The following TENM2 variants were observed in gnomAD, a reference collection of about 807,000 sequenced individuals.
TENM2 encodes teneurin transmembrane protein 2, also known as teneurin-2.
TENM2 carries 52 observed loss-of-function variants against 245.2 expected under a neutral mutation model. That is an observed-to-expected ratio of 0.21 (90% CI 0.17 to 0.27). The LOEUF is 0.27. Ranked by LOEUF, TENM2 falls within the 10% of genes least tolerant of loss-of-function variation. The pLI, the probability that TENM2 is intolerant of heterozygous loss-of-function variation, is 1.00. For missense variants in TENM2, 3,046 were observed against 3,666.8 expected (o/e 0.83, Z 4.37); for synonymous variants, 1,363 against 1,438.9 (o/e 0.95, Z 1.19).
intron 2 of TENM2, among the ~76,000 whole-genome samples, chr5:167,783,848 C>T (rs1423806144): frequency 6.6e-6 from 1 of 151,968 alleles, no homozygotes; most frequent in Non-Finnish European, 1.5e-5. Flanking sequence ...GGGGAGCACC[C>T]CAAGGTGGCA....
chr5:167,564,286 G>T (rs529565496), intron 2 of TENM2, among the ~76,000 whole-genome samples: 2 of 152,190 alleles, frequency 1.3e-5, no homozygotes, highest in African/African-American at 4.8e-5. Context: ...AGTAATCCAT[G>T]TTCATGAAGA....
chr5:167,125,105 A>G, the TENM2 span, among the ~76,000 whole-genome samples: 4 of 152,228 alleles, frequency 2.6e-5, no homozygotes, highest in Non-Finnish European at 5.9e-5. Context: ...AGAGTCCAGC[A>G]AACTGTGTTT....
rs373973436 is a variant in TENM2 at position 168,118,245 on chromosome 5, G to A, written c.1814-47G>A. On this transcript the variant is annotated intron_variant, in intron 9 of 28. Coordinates refer to ENST00000518659, the Ensembl canonical transcript of TENM2. The stretch of plus-strand genomic sequence containing the variant: ...CCTCCTTAGACTGCCATAGCCCCTC[G>A]GATGCTGGCCCTTCGTGACCTAGTG... 16 of 1,431,414 alleles carry A rather than the reference G, an allele frequency of 1.1e-5. No individual in the cohort carries two copies. Among genetic ancestry groups the A allele is most frequent in the East Asian group, 7.1e-5 (3 of 42,254 alleles). 88.7% of individuals were successfully genotyped at this position (1,431,414 alleles called of 1,614,324 possible). A position where few individuals can be genotyped will look rare whatever the true frequency, so the allele number is the denominator to read the frequency against.
chr5:167,113,921 G>A, the TENM2 span, among the ~76,000 whole-genome samples: 61 of 152,256 alleles, frequency 4.0e-4, no homozygotes, highest in African/African-American at 1.4e-3. Context: ...TCACAAGCTT[G>A]ATGAGGCATA....
chr5:167,336,874 T>G (rs2127802515), intron 1 of TENM2, among the ~76,000 whole-genome samples: 1 of 150,880 alleles, frequency 6.6e-6, no homozygotes, highest in Non-Finnish European at 1.5e-5. Flanking sequence ...TCCCAGCACT[T>G]TGGGAGGCCG....
chr5:168,062,603 A>G (rs964910150), intron 7 of TENM2, among the ~76,000 whole-genome samples: 1 of 152,218 alleles, frequency 6.6e-6, no homozygotes, highest in Non-Finnish European at 1.5e-5. Flanking sequence ...AGCCTTATTT[A>G]TGATAGCCAA....
chr5:167,980,231 A>G (rs1463877040), intron 4 of TENM2, among the ~76,000 whole-genome samples: 1 of 152,172 alleles, frequency 6.6e-6, no homozygotes, highest in Non-Finnish European at 1.5e-5. Context: ...TATCTCAATG[A>G]AGGGTGAGGG....
At chr5:167,329,783 A>T (rs868803470) in intron 1 of TENM2, among the ~76,000 whole-genome samples, 2 of 152,236 alleles carry the variant, frequency 1.3e-5, no homozygotes, top group Admixed American at 6.5e-5. Flanking sequence ...GATATGGGGG[A>T]TAGAAATTAT....
At chr5:167,693,583 A>G (rs1225294141) in intron 2 of TENM2, among the ~76,000 whole-genome samples, 2 of 147,636 alleles carry the variant, frequency 1.4e-5, no homozygotes, top group South Asian at 2.3e-4. Flanking sequence ...AATGCCAAAC[A>G]TCGGTGCTCC....
rs10659741 is a variant in TENM2, at chr5:167,363,730, C to CAAAAAAA, written c.227-11458_227-11452dup. The stretch of plus-strand genomic sequence containing the variant: ...TGGGCAACCAAGCGAGACTCCATCT[C>CAAAAAAA]AAAAAAAAAAAAAAAAGAAAAGAAA... On this transcript the variant is annotated intron_variant, in intron 1 of 28. Coordinates refer to ENST00000518659, the Ensembl canonical transcript of TENM2. 2.0e-4 allele frequency among the ~76,000 whole-genome samples: 18 copies of CAAAAAAA among 88,918 alleles called. 1 individual carries two copies. Among genetic ancestry groups the CAAAAAAA allele is most frequent in the East Asian group, 6.1e-4 (2 of 3,286 alleles). The allele number at this position is 88,918 out of a possible 152,430, so 58.3% of individuals were successfully genotyped here. A position where few individuals can be genotyped will look rare whatever the true frequency, so the allele number is the denominator to read the frequency against.
intron 5 of TENM2, among the ~76,000 whole-genome samples, chr5:168,042,030 T>C (rs112109425): frequency 2.0e-5 from 3 of 152,300 alleles, no homozygotes; most frequent in African/African-American, 7.2e-5. Flanking sequence ...GGAATTGGTA[T>C]ATTTCCCCCA....
In TENM2 at chr5:167,823,571, C is replaced by T. The variant is rs369224138; in HGVS notation, c.503-52415C>T. ...ATTTTCTTTTGTGATGACAGGAGTG[C>T]GAATGGCTCTCCTGTTATTATATAC... On this transcript the variant is annotated intron_variant, in intron 2 of 28. Coordinates refer to ENST00000518659, the Ensembl canonical transcript of TENM2. Among the ~76,000 whole-genome samples the T allele has an allele frequency of 7.9e-5, 12 of 152,210 alleles. 1 individual carries two copies. Among genetic ancestry groups the T allele is most frequent in the East Asian group, 7.8e-4 (4 of 5,156 alleles).
chr5:168,180,195 A>G (rs747520334), intron 13 of TENM2, among the ~76,000 whole-genome samples: 6 of 152,218 alleles, frequency 3.9e-5, no homozygotes, highest in Admixed American at 2.0e-4. Context: ...CTAGAGCCCT[A>G]TGTTCTCATG....
intron 2 of TENM2, among the ~76,000 whole-genome samples, chr5:167,712,117 T>G (rs983880809): frequency 2.0e-5 from 3 of 150,768 alleles, no homozygotes; most frequent in African/African-American, 7.4e-5. Context: ...TAGGTTAAGC[T>G]CCAATCAACT....
At chr5:167,775,632 A>G (rs945913539) in intron 2 of TENM2, among the ~76,000 whole-genome samples, 9 of 152,190 alleles carry the variant, frequency 5.9e-5, no homozygotes, top group Non-Finnish European at 1.3e-4. Context: ...TCAAGATTCA[A>G]TAAACATTTT....
chr5:167,993,696 C>T lies in TENM2; in HGVS notation c.1186+514C>T, dbSNP rs555357993. Among the ~76,000 whole-genome samples the T allele has an allele frequency of 1.2e-3, 177 of 152,320 alleles. 1 individual carries two copies. The highest frequency in any genetic ancestry group is 4.0e-3 in the African/African-American group (167 of 41,568). On this transcript the variant is annotated intron_variant, in intron 5 of 28. Transcript: ENST00000518659. Reference sequence around the variant, plus strand: ...AGGACTGACAGGCTGGAGCATCCATCCAGGTCTTTATACAGAATCGAATTA... The same window carrying T: ...AGGACTGACAGGCTGGAGCATCCATTCAGGTCTTTATACAGAATCGAATTA...
At chr5:167,488,919 A>G (rs775503838) in intron 2 of TENM2, among the ~76,000 whole-genome samples, 22 of 152,150 alleles carry the variant, frequency 1.4e-4, no homozygotes, top group Admixed American at 1.4e-3. Context: ...TGTCAGGTCA[A>G]ATTCTTAGAG....
the TENM2 span, among the ~76,000 whole-genome samples, chr5:167,258,281 A>G: frequency 4.0e-5 from 6 of 149,660 alleles, no homozygotes; most frequent in Non-Finnish European, 4.4e-5. Context: ...ATCAGATAGG[A>G]AAGTGTTCAG....
rs769834224 is a variant in TENM2, at chr5:168,260,420, A to G, written c.7563+7A>G. The G allele has an allele frequency of 2.5e-6, 4 of 1,613,318 alleles. No individual in the cohort carries two copies. The highest frequency in any genetic ancestry group is 4.5e-5 in the East Asian group (2 of 44,878). The stretch of plus-strand genomic sequence containing the variant: ...AGCAAGTGAGAATGGACAGGTAAGC[A>G]GAGGTTCCTGCCAAGAATCCAAATG... On this transcript the variant is annotated splice_region_variant and intron_variant, in intron 28 of 28. Coordinates refer to ENST00000518659, the Ensembl canonical transcript of TENM2.
Sources: gnomAD v4.1 joint callset for allele counts (sites outside exome capture counted in the v4.1 genomes callset) on GRCh38, gnomAD v4.1.1 for gene constraint, MANE v1.5 for transcripts, NCBI Gene and HGNC (gene_info 2026-07-23, HGNC 2026-07-21) for gene names.